Variants in ATP2B4 observed in about 807,000 individuals in gnomAD.
The protein encoded by ATP2B4 is ATPase plasma membrane Ca2+ transporting 4.
A neutral mutation model predicts 110.3 loss-of-function variants in ATP2B4; 39 were observed. That is an observed-to-expected ratio of 0.35 (90% CI 0.27 to 0.46). The LOEUF (loss-of-function observed/expected upper bound fraction) is 0.46, where lower values mean the gene tolerates loss of function less well. Ranked by LOEUF, ATP2B4 falls within the 20% of genes least tolerant of loss-of-function variation. The pLI, the probability that ATP2B4 is intolerant of heterozygous loss-of-function variation, is 1.00. For synonymous variants in ATP2B4, 538 were observed against 571.7 expected, an observed-to-expected ratio of 0.94 and a Z score of 0.84; for missense variants, 1,135 against 1,530.9, an observed-to-expected ratio of 0.74 and a Z score of 4.32.
At chr1:203,723,456 CTCT>C (rs1666405227) in intron 18 of ATP2B4, among the ~76,000 whole-genome samples, 3 of 139,208 alleles carry the variant, frequency 2.2e-5, no homozygotes, top group Non-Finnish European at 4.6e-5. Flanking sequence ...CTCTCTCTCT[CTCT>C]CCCTCTGCCT....
intron 8 of ATP2B4, 73 bp downstream of exon 8, chr1:203,703,886 C>G (rs1665768267): frequency 6.6e-7 from 1 of 1,512,622 alleles, no homozygotes; most frequent in South Asian, 1.3e-5. Context: ...CCCCTTCTTT[C>G]TGCACCGACC....
chr1:203,686,051 T>G (rs1665170398), intron 2 of ATP2B4, among the ~76,000 whole-genome samples: 1 of 152,164 alleles, frequency 6.6e-6, no homozygotes, highest in Non-Finnish European at 1.5e-5. Flanking sequence ...CTAATTGCTT[T>G]CATGTGGCTC....
At chr1:203,661,414 G>A (rs948546482) in intron 1 of ATP2B4, among the ~76,000 whole-genome samples, 1 of 152,148 alleles carries the variant, frequency 6.6e-6, no homozygotes, top group African/African-American at 2.4e-5. Flanking sequence ...GTTGTTGAGA[G>A]GATCAAATGA....
Position 203,700,802 on chromosome 1 carries a change from C to T in ATP2B4, c.780C>T (p.Thr260=), listed in dbSNP as rs1243457503. ...LDKDPMLLSG[T]HVMEGSGRMV... ...ATCTTCTCCTTTCCCGTGTAGGGAC[C>T]CATGTCATGGAAGGTTCTGGCCGGA... The change falls in exon 6 of 21, where the codon ACC becomes ACT. Residue 260 remains threonine (T), a synonymous_variant. Transcript: ENST00000357681. 1 of 1,612,462 alleles carries T rather than the reference C, an allele frequency of 6.2e-7. No homozygotes were observed. The highest frequency in any genetic ancestry group is 2.2e-5 in the East Asian group (1 of 44,738).
At chr1:203,654,124 C>T (rs1664087002) in intron 1 of ATP2B4, among the ~76,000 whole-genome samples, 1 of 151,730 alleles carries the variant, frequency 6.6e-6, no homozygotes, top group African/African-American at 2.4e-5. Context: ...GCTGGGATTA[C>T]AGGCGCATGC....
At position 203,684,858 on chromosome 1, in the gene ATP2B4, T is replaced by C. The variant is rs1214295526; in HGVS notation, c.193+1460T>C. Among the ~76,000 whole-genome samples the C allele has an allele frequency of 2.0e-5, 3 of 152,162 alleles. No homozygotes were observed. The South Asian group carries it at 6.2e-4, about 32-fold the overall frequency. On this transcript the variant is annotated intron_variant, in intron 2 of 20. Transcript: ENST00000357681. ...TTTTTTGTTTGTTTTGTTTTTTGTT[T>C]TTTTGGTTTTTTTGTTTTGAGAAGG...
chr1:203,718,569 G>A (rs1451170870), intron 15 of ATP2B4, among the ~76,000 whole-genome samples: 1 of 151,960 alleles, frequency 6.6e-6, no homozygotes, highest in African/African-American at 2.4e-5. Context: ...CAAAATGCTG[G>A]GATTACAGGC....
In ATP2B4 at chr1:203,629,091, C is replaced by T. The variant is rs772490129; in HGVS notation, c.-465+1872C>T. ...AGGAAGTAAAACACTTAGAGGAGAG[C>T]TCATCTCGGGGCTGGGGATGCAACA... is the stretch of plus-strand genomic sequence containing the variant. On this transcript the variant is annotated intron_variant, in intron 1 of 20. Transcript: ENST00000357681. This position sits in a 1 kb window ranked among gnomAD's most constrained non-coding sequence, Gnocchi z 4.6. Among the ~76,000 whole-genome samples, 1 of 151,918 alleles carries T rather than the reference C, an allele frequency of 6.6e-6. No homozygotes were observed. Among genetic ancestry groups the T allele is most frequent in the Non-Finnish European group, 1.5e-5 (1 of 67,964 alleles).
At chr1:203,733,270 C>G (rs1449752742) in intron 20 of ATP2B4, 1 of 1,613,932 alleles carries the variant, frequency 6.2e-7, no homozygotes, top group African/African-American at 1.3e-5. Context: ...TTAAGGGAGT[C>G]CTAAGGCGAC....
chr1:203,700,359 A>G (rs1474635745), intron 5 of ATP2B4, 28 bp downstream of exon 5: 6 of 1,598,202 alleles, frequency 3.8e-6, no homozygotes, highest in Admixed American at 1.7e-5. Flanking sequence ...CCAAGTTCCC[A>G]TTTACCTCCC....
chr1:203,705,292 A>G (rs1484549978), intron 8 of ATP2B4, among the ~76,000 whole-genome samples: 1 of 152,232 alleles, frequency 6.6e-6, no homozygotes, highest in Non-Finnish European at 1.5e-5. Context: ...TAAACTATAC[A>G]TGGATGAGAT....
Position 203,707,185 on chromosome 1 carries a change from C to A in ATP2B4, c.1276C>A (p.Pro426Thr). The change falls in exon 9 of 21, where the codon CCT becomes ACT. Residue 426 changes from proline (P) to threonine (T), a missense_variant. Pro to Thr is a conservative substitution (Grantham distance 38). Around this residue, in one of 9 missense-constraint regions of ATP2B4, gnomAD observed 4 missense variants for 22.1 expected, o/e 0.18. Coordinates refer to ENST00000357681, the MANE Select transcript of ATP2B4 (RefSeq NM_001684.5). Reference protein sequence around the residue: ...VLVVAVPEGLPLAVTISLAYS... With the variant: ...VLVVAVPEGLTLAVTISLAYS... The stretch of plus-strand genomic sequence containing the variant: ...GGTGGTGGCTGTGCCAGAGGGGCTG[C>A]CTCTGGCTGTCACCATCTCACTGGC... 1.2e-6 allele frequency: 2 copies of A among 1,614,066 alleles called. No homozygotes were observed. The highest frequency in any genetic ancestry group is 1.7e-6 in the Non-Finnish European group (2 of 1,180,018).
chr1:203,715,650 A>G lies in ATP2B4; in HGVS notation c.2406+1373A>G, dbSNP rs1439423997. ...AATAATAATTATATATCAATAATCT[A>G]TATATCTAAAAGAATCTTAATACCA... On this transcript the variant is annotated intron_variant, in intron 15 of 20. Transcript: ENST00000357681. 5.5e-5 allele frequency among the ~76,000 whole-genome samples: 8 copies of G among 144,752 alleles called. 1 individual carries two copies. Among genetic ancestry groups the G allele is most frequent in the Non-Finnish European group, 9.2e-5 (6 of 65,128 alleles). The allele number at this position is 144,752 out of a possible 152,430, so 95.0% of individuals were successfully genotyped here. A position where few individuals can be genotyped will look rare whatever the true frequency, so the allele number is the denominator to read the frequency against.
chr1:203,633,878 C>T (rs1030891535), intron 1 of ATP2B4, among the ~76,000 whole-genome samples: 1 of 151,834 alleles, frequency 6.6e-6, no homozygotes, highest in African/African-American at 2.4e-5. Flanking sequence ...TGGAGAAACC[C>T]CGTCTCTACT....
At chr1:203,729,734 C>T (rs774896033) in intron 20 of ATP2B4, 10 of 1,351,766 alleles carry the variant, frequency 7.4e-6, no homozygotes, top group East Asian at 9.2e-5. Context: ...AGCACTTCTC[C>T]GTGTTGCTGG....
intron 1 of ATP2B4, among the ~76,000 whole-genome samples, chr1:203,639,674 G>A (rs547154393): frequency 4.2e-4 from 64 of 152,280 alleles, no homozygotes; most frequent in African/African-American, 1.5e-3. Context: ...GCCTTCTCCT[G>A]GACCAGGGCA....
chr1:203,656,953 A>G (rs781171578), intron 1 of ATP2B4: 3 of 691,802 alleles, frequency 4.3e-6, no homozygotes, highest in Non-Finnish European at 8.0e-6. Context: ...CAATAATTAT[A>G]TATGAAATTG....
At chr1:203,676,821 G>A (rs1008037060) in intron 1 of ATP2B4, among the ~76,000 whole-genome samples, 1 of 149,800 alleles carries the variant, frequency 6.7e-6, no homozygotes, top group Non-Finnish European at 1.5e-5. Flanking sequence ...GGGGTGGGGT[G>A]AGGGGAGGGG....
intron 17 of ATP2B4, among the ~76,000 whole-genome samples, chr1:203,722,074 C>G (rs995940139): frequency 6.6e-6 from 1 of 152,144 alleles, no homozygotes; most frequent in African/African-American, 2.4e-5. Flanking sequence ...GTCTTACTAC[C>G]ATGCTGCACT....
Sources: allele counts gnomAD v4.1 joint callset (sites outside exome capture counted in the v4.1 genomes callset), GRCh38; gene constraint gnomAD v4.1.1; regional missense constraint gnomAD v4.1.1; non-coding constraint Gnocchi (gnomAD v3.1); transcripts MANE v1.5; gene names NCBI Gene and HGNC (gene_info 2026-07-23, HGNC 2026-07-21).